CHN2: variants seen among roughly 807,000 people sequenced by gnomAD.
CHN2 encodes chimerin 2.
CHN2 carries 35 observed loss-of-function variants against 56.3 expected under a neutral mutation model. The observed-to-expected ratio is 0.62, with a 90% CI of 0.47 to 0.82. CHN2 has a LOEUF of 0.82. CHN2 is among the 40% of genes least tolerant of loss of function. CHN2 has a pLI of 0.00. For synonymous variants in CHN2, 210 were observed against 212.8 expected, an observed-to-expected ratio of 0.99 and a Z score of 0.12; for missense variants, 491 against 580.5, an observed-to-expected ratio of 0.85 and a Z score of 1.58.
chr7:29,293,403 G>T (rs1290627153), intron 1 of CHN2, among the ~76,000 whole-genome samples: 1 of 115,116 alleles, frequency 8.7e-6, no homozygotes, highest in Non-Finnish European at 1.7e-5. Flanking sequence ...TCCACTCTCA[G>T]TCCTTGCCTT....
chr7:29,451,445 G>T (rs925648319), intron 6 of CHN2, among the ~76,000 whole-genome samples: 1 of 152,000 alleles, frequency 6.6e-6, no homozygotes, highest in African/African-American at 2.4e-5. Flanking sequence ...AAGTACAGAG[G>T]TCTTCAGAAA....
At chr7:29,255,432 C>T (rs1473123911) in intron 1 of CHN2, among the ~76,000 whole-genome samples, 1 of 152,160 alleles carries the variant, frequency 6.6e-6, no homozygotes, top group Non-Finnish European at 1.5e-5. Context: ...AGACGGAACA[C>T]CCTCCACACT....
intron 1 of CHN2, among the ~76,000 whole-genome samples, chr7:29,347,520 G>C (rs902128017): frequency 2.0e-5 from 3 of 152,140 alleles, no homozygotes; most frequent in Non-Finnish European, 4.4e-5. Flanking sequence ...AAGGGAGAGA[G>C]AGAGCAAAGA....
At chr7:29,407,744 G>A (rs1044599982) in intron 6 of CHN2, among the ~76,000 whole-genome samples, 1 of 152,188 alleles carries the variant, frequency 6.6e-6, no homozygotes, top group Non-Finnish European at 1.5e-5. Flanking sequence ...GATTACATCC[G>A]CTCATGAGAC....
intron 7 of CHN2, among the ~76,000 whole-genome samples, chr7:29,487,265 T>C (rs972385123): frequency 1.3e-5 from 2 of 152,010 alleles, no homozygotes; most frequent in African/African-American, 4.8e-5. Context: ...GAAAAGGCTG[T>C]TTTGCCAGAA....
At chr7:29,203,423 C>T (rs180953773) in intron 1 of CHN2, among the ~76,000 whole-genome samples, 30 of 131,630 alleles carry the variant, frequency 2.3e-4, no homozygotes, top group Admixed American at 2.0e-3. Flanking sequence ...GCAGAGATTG[C>T]GCCATTGCAT....
chr7:29,411,628 A>G (rs73306847), intron 6 of CHN2, among the ~76,000 whole-genome samples: 15,614 of 152,208 alleles, frequency 0.1, 1,494 homozygotes, highest in African/African-American at 0.26. Flanking sequence ...GGAAGACAAC[A>G]GACTTTTACC....
chr7:29,247,567 A>T (rs1017475874), intron 1 of CHN2, among the ~76,000 whole-genome samples: 2 of 152,248 alleles, frequency 1.3e-5, no homozygotes, highest in African/African-American at 4.8e-5. Flanking sequence ...TGCAGTGGCT[A>T]AGAAGGGGCC....
chr7:29,512,491 AC>A, intron 12 of CHN2, 72 bp from the exon 13 acceptor site: 1 of 1,322,514 alleles, frequency 7.6e-7, no homozygotes. Flanking sequence ...ATCGGGACTT[AC>A]ATACATAATC....
At chr7:29,360,585 T>C (rs1585157902) in intron 2 of CHN2, among the ~76,000 whole-genome samples, 1 of 151,900 alleles carries the variant, frequency 6.6e-6, no homozygotes, top group Non-Finnish European at 1.5e-5. Flanking sequence ...GGGTGGAGGG[T>C]GGGGTTGAGC....
intron 1 of CHN2, among the ~76,000 whole-genome samples, chr7:29,285,778 C>G (rs1052671482): frequency 1.3e-5 from 2 of 152,166 alleles, no homozygotes; most frequent in African/African-American, 2.4e-5. Context: ...CAATATTGCT[C>G]TTCTCCCTAG....
intron 7 of CHN2, among the ~76,000 whole-genome samples, chr7:29,488,604 T>G (rs1399000444): frequency 6.6e-6 from 1 of 152,220 alleles, no homozygotes. Flanking sequence ...TTCTGATTTT[T>G]AATATGAATA....
At chr7:29,262,945 G>T (rs1198726989) in intron 1 of CHN2, among the ~76,000 whole-genome samples, 1 of 152,110 alleles carries the variant, frequency 6.6e-6, no homozygotes, top group African/African-American at 2.4e-5. Flanking sequence ...AAAATAAATC[G>T]TGAAGATGGT....
intron 7 of CHN2, among the ~76,000 whole-genome samples, chr7:29,482,093 A>G (rs914436650): frequency 4.6e-5 from 7 of 152,356 alleles, no homozygotes; most frequent in East Asian, 3.9e-4. Flanking sequence ...CTAACACAAT[A>G]TATTACTTAT....
At chr7:29,158,537 T>C (rs1488885151) in intron 2 of CHN2, among the ~76,000 whole-genome samples, 1 of 36,808 alleles carries the variant, frequency 2.7e-5, no homozygotes, top group Non-Finnish European at 6.2e-5. Flanking sequence ...TGTGATAATA[T>C]TGATACTTAA....
At chr7:29,342,112 C>G (rs1219379410) in intron 1 of CHN2, among the ~76,000 whole-genome samples, 3 of 152,210 alleles carry the variant, frequency 2.0e-5, no homozygotes, top group African/African-American at 7.2e-5. Context: ...GTGACTGGAT[C>G]TGCGTTGGTC....
At chr7:29,357,879 C>T (rs1798425003) in intron 2 of CHN2, among the ~76,000 whole-genome samples, 2 of 152,140 alleles carry the variant, frequency 1.3e-5, no homozygotes, top group South Asian at 4.1e-4. Context: ...CCGTTGTGAA[C>T]CCCAGAAATT....
rs76625871 is a variant in CHN2 at position 29,481,727 on chromosome 7, G to T, written c.654+1371G>T. 2.0e-4 allele frequency among the ~76,000 whole-genome samples: 29 copies of T among 141,934 alleles called. No homozygotes were observed. The South Asian group carries it at 2.1e-3, about 10-fold the overall frequency. 93.1% of individuals were successfully genotyped at this position (141,934 alleles called of 152,430 possible). A position where few individuals can be genotyped will look rare whatever the true frequency, so the allele number is the denominator to read the frequency against. ...TAATTTTTTTTGGCCTTAAGAAAGTGTTTTTTTGATTTTTAGCAGAAATCC... is the reference window on the plus strand; with the variant it reads ...TAATTTTTTTTGGCCTTAAGAAAGTTTTTTTTTGATTTTTAGCAGAAATCC... On this transcript the variant is annotated intron_variant, in intron 7 of 12. Coordinates refer to ENST00000222792, the MANE Select transcript of CHN2 (RefSeq NM_004067.4).
Position 29,222,236 on chromosome 7 carries a change from T to G in CHN2, c.49+27246T>G, listed in dbSNP as rs545104155. 2.6e-5 allele frequency among the ~76,000 whole-genome samples: 4 copies of G among 152,290 alleles called. No individual in the cohort carries two copies. The South Asian group carries it at 8.3e-4, about 32-fold the overall frequency. On this transcript the variant is annotated intron_variant, in intron 1 of 12. Transcript: ENST00000222792. Reference sequence around the variant, plus strand: ...AGGACACAAACAAATGGAAAAAGATTACATGCTCATGGATAGCAAGAATCA... The same window carrying G: ...AGGACACAAACAAATGGAAAAAGATGACATGCTCATGGATAGCAAGAATCA...
Sources: gnomAD v4.1 joint callset for allele counts (sites outside exome capture counted in the v4.1 genomes callset) on GRCh38, gnomAD v4.1.1 for gene constraint, MANE v1.5 for transcripts, NCBI Gene and HGNC (gene_info 2026-07-23, HGNC 2026-07-21) for gene names.